UQCRH: variants seen among roughly 807,000 people sequenced by gnomAD.
The protein encoded by UQCRH is cytochrome b-c1 complex subunit 6, mitochondrial.
Under a neutral mutation model 16.3 loss-of-function variants are expected in UQCRH, and 14 were observed. The ratio of observed to expected loss-of-function variants is 0.86; its 90% CI spans 0.57 to 1.34. The LOEUF (loss-of-function observed/expected upper bound fraction) is 1.34. Ranked by LOEUF, UQCRH falls within the 40% of genes most tolerant of loss-of-function variation. The pLI is 0.00. For missense variants in UQCRH, 89 were observed against 111.9 expected, an observed-to-expected ratio of 0.80 and a Z score of 0.92; for synonymous variants, 41 against 41.9, an observed-to-expected ratio of 0.98 and a Z score of 0.08.
intron 1 of UQCRH, 85 bp downstream of exon 1, chr1:46,303,905 G>GC: frequency 1.3e-6 from 2 of 1,584,220 alleles, no homozygotes; most frequent in South Asian, 2.2e-5. Context: ...GGCCCTCTTA[G>GC]CCCCCAGTTT....
In UQCRH at chr1:46,303,715, G is replaced by A; in HGVS notation, c.-52G>A. ...TACAAGTCCTTCTTGATCCTGAACT[G>A]GGTTAGGTGCCGCTGTTGCTGCTCG... On this transcript the variant is annotated 5_prime_UTR_variant, in exon 1 of 4. Transcript: ENST00000311672. The A allele has an allele frequency of 1.2e-6, 2 of 1,613,710 alleles. No homozygotes were observed. The highest frequency in any genetic ancestry group is 1.1e-5 in the South Asian group (1 of 91,022).
intron 1 of UQCRH, among the ~76,000 whole-genome samples, chr1:46,306,250 GAC>G (rs1382758938): frequency 6.6e-6 from 1 of 152,178 alleles, no homozygotes; most frequent in African/African-American, 2.4e-5. Context: ...AATTATCAGT[GAC>G]ACAGAATTAC....
chr1:46,304,640 C>T (rs535089719), intron 1 of UQCRH, among the ~76,000 whole-genome samples: 9 of 152,142 alleles, frequency 5.9e-5, no homozygotes, highest in Non-Finnish European at 1.3e-4. Context: ...CCACCCCGGC[C>T]TCCCAAAGTC....
At chr1:46,312,010 G>A (rs1441825860) in intron 3 of UQCRH, among the ~76,000 whole-genome samples, 1 of 149,146 alleles carries the variant, frequency 6.7e-6, no homozygotes, top group East Asian at 2.0e-4. Context: ...GCACACTACA[G>A]CCTCTACCTC....
intron 2 of UQCRH, 90 bp downstream of exon 2, chr1:46,309,217 T>C: frequency 7.0e-7 from 1 of 1,424,622 alleles, no homozygotes; most frequent in Non-Finnish European, 9.7e-7. Context: ...AGTTTTTACT[T>C]GATACCTTGT....
intron 2 of UQCRH, 24 bp from the exon 3 acceptor site, chr1:46,310,131 G>GT (rs753379099): frequency 4.9e-5 from 79 of 1,613,662 alleles, no homozygotes; most frequent in Non-Finnish European, 6.0e-5. Flanking sequence ...TGCCCATTTT[G>GT]TTTTTTTTCT....
rs181433136 is a variant in UQCRH at position 46,309,595 on chromosome 1, G to A, written c.81+468G>A. 1.1e-4 allele frequency: 19 copies of A among 180,356 alleles called. No individual in the cohort carries two copies. The East Asian group carries it at 2.5e-3, about 24-fold the overall frequency. The allele number at this position is 180,356 out of a possible 1,614,324, so 11.2% of individuals were successfully genotyped here. A position where few individuals can be genotyped will look rare whatever the true frequency, so the allele number is the denominator to read the frequency against. ...TGAGGCAGGAGAATTGCTCGAACCCGAGAGGCGGAGGTTGTGGTGAGCTGA... is the reference window on the plus strand; with the variant it reads ...TGAGGCAGGAGAATTGCTCGAACCCAAGAGGCGGAGGTTGTGGTGAGCTGA... On this transcript the variant is annotated intron_variant, in intron 2 of 3. Transcript: ENST00000311672.
intron 3 of UQCRH, 100 bp from the exon 4 acceptor site, chr1:46,316,451 TG>T: frequency 1.3e-6 from 2 of 1,482,004 alleles, no homozygotes; most frequent in Admixed American, 1.9e-5. Context: ...AGAAGGGGAG[TG>T]GTGAGAAGAG....
At chr1:46,306,607 C>T (rs1460760647) in intron 1 of UQCRH, among the ~76,000 whole-genome samples, 3 of 152,022 alleles carry the variant, frequency 2.0e-5, no homozygotes, top group African/African-American at 7.2e-5. Context: ...CTCTTGACCT[C>T]GTGATCCTCC....
chr1:46,310,292 C>T lies in UQCRH; in HGVS notation c.219C>T (p.Asp73=), dbSNP rs376054810. 9.0e-5 allele frequency: 145 copies of T among 1,614,118 alleles called. No individual in the cohort carries two copies. Among genetic ancestry groups the T allele is most frequent in the Admixed American group, 7.2e-4 (43 of 59,998 alleles). The stretch of plus-strand genomic sequence containing the variant: ...AGGATTGCACGGAGGAGCTCTTTGA[C>T]TTCTTGCATGCGAGGGACCATTGCG... ...TEEDCTEELF[D]FLHARDHCVA... Residue 73 remains aspartate (D), a synonymous_variant, in exon 3 of 4, where the codon GAC becomes GAT. Transcript: ENST00000311672.
chr1:46,306,384 T>TA (rs1661374246), intron 1 of UQCRH, among the ~76,000 whole-genome samples: 1 of 149,142 alleles, frequency 6.7e-6, no homozygotes, highest in African/African-American at 2.5e-5. Flanking sequence ...TTTTCAGTTT[T>TA]TTTTTTTTTT....
intron 1 of UQCRH, among the ~76,000 whole-genome samples, chr1:46,306,347 T>A (rs1661372485): frequency 6.6e-6 from 1 of 151,986 alleles, no homozygotes; most frequent in Non-Finnish European, 1.5e-5. Context: ...TCGGGCAGAA[T>A]GTAATTTTAG....
chr1:46,314,909 A>G (rs986764615), intron 3 of UQCRH, among the ~76,000 whole-genome samples: 4 of 152,210 alleles, frequency 2.6e-5, no homozygotes, highest in Non-Finnish European at 4.4e-5. Flanking sequence ...ATTTAGTAAG[A>G]TGAAAAAGGT....
intron 1 of UQCRH, among the ~76,000 whole-genome samples, chr1:46,306,243 T>A (rs1280433253): frequency 6.6e-6 from 1 of 152,216 alleles, no homozygotes. Context: ...GACACAAAAT[T>A]ATCAGTGACA....
In UQCRH at chr1:46,310,314, T is replaced by G. The variant is rs1237021279; in HGVS notation, c.241T>G (p.Cys81Gly). 6.2e-7 allele frequency: 1 copy of G among 1,613,938 alleles called. No individual in the cohort carries two copies. Among genetic ancestry groups the G allele is most frequent in the Non-Finnish European group, 8.5e-7 (1 of 1,179,996 alleles). ...LFDFLHARDH[C>G]VAHKLFNNLK is the part of the protein sequence containing the mutation. ...TGACTTCTTGCATGCGAGGGACCAT[T>G]GCGTAAGTCAGTGGGAAGTCAGGAA... is the stretch of plus-strand genomic sequence containing the variant. Residue 81 changes from cysteine (C) to glycine (G), a missense_variant and splice_region_variant, in exon 3 of 4, where the codon TGC (cysteine) becomes GGC (glycine). Transcript: ENST00000311672.
chr1:46,306,722 A>G (rs1334580409), intron 1 of UQCRH, among the ~76,000 whole-genome samples: 2 of 152,128 alleles, frequency 1.3e-5, no homozygotes, highest in East Asian at 3.8e-4. Context: ...TTAATGAAAA[A>G]CTAGAATTTA....
At chr1:46,310,359 C>A in intron 3 of UQCRH, 43 bp downstream of exon 3, 1 of 1,611,754 alleles carries the variant, frequency 6.2e-7, no homozygotes, top group South Asian at 1.1e-5. Flanking sequence ...TTGCAATGGT[C>A]AGGGAAGACT....
rs1661596100 is a variant in UQCRH, at chr1:46,316,742, GATTCCATCTAAATAA to G, written c.*160_*174del. ...TGGTAGCTTCTATGTAATTCGCAAT[GATTCCATCTAAATAA>G]AAGTTCTATGATCTGCAAACCTGCC... On this transcript the variant is annotated 3_prime_UTR_variant, in exon 4 of 4. Coordinates refer to ENST00000311672, the MANE Select transcript of UQCRH (RefSeq NM_006004.4). 2.0e-6 allele frequency: 2 copies of G among 996,792 alleles called. No individual in the cohort carries two copies. Among genetic ancestry groups the G allele is most frequent in the South Asian group, 4.1e-5 (2 of 48,402 alleles). The allele number at this position is 996,792 out of a possible 1,614,324, so 61.7% of individuals were successfully genotyped here. A position where few individuals can be genotyped will look rare whatever the true frequency, so the allele number is the denominator to read the frequency against.
At position 46,311,509 on chromosome 1, in the gene UQCRH, C is replaced by T. The variant is rs370169782; in HGVS notation, c.243+1193C>T. 1.0e-3 allele frequency among the ~76,000 whole-genome samples: 154 copies of T among 149,498 alleles called. 2 individuals are homozygous for T. The South Asian group carries it at 0.016, about 16-fold the overall frequency. On this transcript the variant is annotated intron_variant, in intron 3 of 3. Coordinates refer to ENST00000311672, the MANE Select transcript of UQCRH (RefSeq NM_006004.4). ...AGGAGAATGGCGTCAACCCAGGAGG[C>T]GGAGCTTGCAGTGAGCCAAGGTTGC...
Sources: gnomAD v4.1 joint callset for allele counts (sites outside exome capture counted in the v4.1 genomes callset) on GRCh38, gnomAD v4.1.1 for gene constraint, MANE v1.5 for transcripts, NCBI Gene and HGNC (gene_info 2026-07-23, HGNC 2026-07-21) for gene names.